Variants in PCNX2 observed in about 807,000 individuals in gnomAD.
The protein encoded by PCNX2 is pecanex-like protein 2.
A neutral mutation model predicts 223.8 loss-of-function variants in PCNX2; 168 were observed. The ratio of observed to expected loss-of-function variants is 0.75; its 90% CI spans 0.66 to 0.85. PCNX2 has a LOEUF of 0.85. PCNX2 is among the 40% of genes least tolerant of loss of function. PCNX2 has a pLI of 0.00. For missense variants in PCNX2, 2,507 were observed against 2,675.5 expected (o/e 0.94, Z 1.39); for synonymous variants, 1,006 against 1,052.6 (o/e 0.96, Z 0.86).
At chr1:233,079,080 T>C (rs1673228771) in intron 23 of PCNX2, among the ~76,000 whole-genome samples, 1 of 152,062 alleles carries the variant, frequency 6.6e-6, no homozygotes, top group Non-Finnish European at 1.5e-5. Context: ...ACCTTGGTGA[T>C]TGGGCAAGGG....
rs867813283 is a variant in PCNX2 at position 233,074,366 on chromosome 1, G to C, written c.4076+15695C>G. Reference sequence around the variant, plus strand: ...TCCCAGCACTTTGGGAGGCCGAGGCGGGCAGATCACGAGGTCAGGAGATCG... The same window carrying C: ...TCCCAGCACTTTGGGAGGCCGAGGCCGGCAGATCACGAGGTCAGGAGATCG... On this transcript the variant is annotated intron_variant, in intron 23 of 33. Coordinates refer to ENST00000258229, the MANE Select transcript of PCNX2 (RefSeq NM_014801.4). Among the ~76,000 whole-genome samples, 305 of 152,052 alleles carry C rather than the reference G, an allele frequency of 2.0e-3. 2 individuals are homozygous for C. Among genetic ancestry groups the C allele is most frequent in the African/African-American group, 6.9e-3 (287 of 41,546 alleles).
intron 28 of PCNX2, among the ~76,000 whole-genome samples, chr1:233,008,844 T>G (rs1162527336): frequency 6.6e-6 from 1 of 152,146 alleles, no homozygotes; most frequent in Non-Finnish European, 1.5e-5. Context: ...GCAGGTGCTG[T>G]CAGCAGCTCT....
chr1:233,193,186 A>T (rs1036546908), intron 15 of PCNX2, among the ~76,000 whole-genome samples: 4 of 150,968 alleles, frequency 2.6e-5, no homozygotes, highest in Non-Finnish European at 4.4e-5. Context: ...TGATTTCTTC[A>T]TTCTTGAAAT....
At chr1:233,269,657 A>G (rs141188016) in intron 1 of PCNX2, among the ~76,000 whole-genome samples, 1 of 152,188 alleles carries the variant, frequency 6.6e-6, no homozygotes, top group Non-Finnish European at 1.5e-5. Flanking sequence ...CTTAAAGGTT[A>G]AGTTTCAAAT....
intron 12 of PCNX2, among the ~76,000 whole-genome samples, chr1:233,212,445 CT>C (rs1411683320): frequency 6.6e-6 from 1 of 152,178 alleles, no homozygotes. Flanking sequence ...AAATAAGATT[CT>C]TTAAGCTTAG....
chr1:233,310,543 T>C, the PCNX2 span, among the ~76,000 whole-genome samples: 3 of 151,996 alleles, frequency 2.0e-5, no homozygotes, highest in African/African-American at 4.8e-5. Flanking sequence ...TCTGGAACAG[T>C]AGTAGGAGAG....
chr1:233,113,446 C>A (rs918692760), intron 21 of PCNX2, among the ~76,000 whole-genome samples: 1 of 152,188 alleles, frequency 6.6e-6, no homozygotes, highest in African/African-American at 2.4e-5. Context: ...CAGCATCTCT[C>A]TAGAATAATA....
the PCNX2 span, among the ~76,000 whole-genome samples, chr1:233,325,009 C>T: frequency 6.6e-6 from 1 of 152,176 alleles, no homozygotes; most frequent in Non-Finnish European, 1.5e-5. Context: ...GCTAGAGATG[C>T]ACGAGGAGAT....
At chr1:233,061,830 C>T (rs1384674459) in intron 23 of PCNX2, among the ~76,000 whole-genome samples, 1 of 152,102 alleles carries the variant, frequency 6.6e-6, no homozygotes, top group Non-Finnish European at 1.5e-5. Context: ...GCGATCTTGG[C>T]TCACTGCAAC....
chr1:233,208,480 C>A, intron 13 of PCNX2, 38 bp downstream of exon 13: 4 of 1,560,462 alleles, frequency 2.6e-6, no homozygotes, highest in South Asian at 2.3e-5. Context: ...ATACCCCCAA[C>A]CCCCATATTC....
intron 23 of PCNX2, among the ~76,000 whole-genome samples, chr1:233,062,454 TAA>T (rs1346839702): frequency 2.6e-5 from 4 of 152,224 alleles, no homozygotes; most frequent in African/African-American, 9.6e-5. Context: ...TTTTTCCATA[TAA>T]GTTTTGCTAC....
Position 232,986,350 on chromosome 1 carries a change from C to T in PCNX2, c.5982G>A (p.Leu1994=), listed in dbSNP as rs1464823392. The T allele has an allele frequency of 1.3e-6, 2 of 1,600,004 alleles. No individual in the cohort carries two copies. The highest frequency in any genetic ancestry group is 1.7e-6 in the Non-Finnish European group (2 of 1,173,652). The change falls in exon 33 of 34, where the codon CTG becomes CTA. Residue 1994 remains leucine, a synonymous_variant. Coordinates refer to ENST00000258229, the MANE Select transcript of PCNX2 (RefSeq NM_014801.4). The stretch of plus-strand genomic sequence containing the variant: ...TGGTGACGGGCGGGGGCTGAGAGTG[C>T]AGGGACGTGGCCGAGGCGTGCAAGG... ...RLSLHASATS[L]HSQPPPVTTT...
chr1:233,014,740 A>G lies in PCNX2; in HGVS notation c.4877T>C (p.Leu1626Ser). ...GCACAGGGCGAAGGACAGAGTCACC[A>G]AGGGAGAGTCCTCGTCACTGTCCAG... Reference protein sequence around the residue: ...TTLDSDEDSPLVTLSFALCTL... With the variant: ...TTLDSDEDSPSVTLSFALCTL... The change falls in exon 28 of 34, where the codon TTG becomes TCG. Residue 1626 changes from leucine (L) to serine (S), a missense_variant. Leu to Ser is a moderately radical substitution (Grantham distance 145). Around this residue, in one of 3 missense-constraint regions of PCNX2, gnomAD observed 1,372 missense variants for 1,509.4 expected, o/e 0.91. Coordinates refer to ENST00000258229, the MANE Select transcript of PCNX2 (RefSeq NM_014801.4). 1 of 1,614,012 alleles carries G rather than the reference A, an allele frequency of 6.2e-7. No individual in the cohort carries two copies. The highest frequency in any genetic ancestry group is 8.5e-7 in the Non-Finnish European group (1 of 1,179,898).
rs771354833 is a variant in PCNX2, at chr1:233,287,916, CA to C, written c.153+7409del. On this transcript the variant is annotated intron_variant, in intron 1 of 33. Coordinates refer to ENST00000258229, the MANE Select transcript of PCNX2 (RefSeq NM_014801.4). ...TGATTTCTTTCTTGCAAAGCTCTTACAAAAAAAAAGTGTCTGCCTCATATGT... is the reference window on the plus strand; with the variant it reads ...TGATTTCTTTCTTGCAAAGCTCTTACAAAAAAAAGTGTCTGCCTCATATGT... Among the ~76,000 whole-genome samples, 44 of 150,856 alleles carry C rather than the reference CA, an allele frequency of 2.9e-4. 1 individual carries two copies. The South Asian group carries it at 8.2e-3, about 28-fold the overall frequency.
At chr1:233,101,661 G>C (rs560664816) in intron 21 of PCNX2, among the ~76,000 whole-genome samples, 26 of 152,170 alleles carry the variant, frequency 1.7e-4, no homozygotes, top group Non-Finnish European at 1.3e-4. Flanking sequence ...TCAAAAAAGG[G>C]GGCACTCCCC....
intron 15 of PCNX2, among the ~76,000 whole-genome samples, chr1:233,197,251 C>T (rs1277485420): frequency 3.9e-5 from 6 of 151,988 alleles, no homozygotes; most frequent in Non-Finnish European, 7.4e-5. Context: ...AACTTTAAAC[C>T]TGACTTTTAA....
At chr1:233,186,433 C>T (rs989127164) in intron 15 of PCNX2, among the ~76,000 whole-genome samples, 1 of 152,080 alleles carries the variant, frequency 6.6e-6, no homozygotes, top group East Asian at 1.9e-4. Context: ...GCTCTCTCTT[C>T]TTACTTCACA....
At position 233,146,334 on chromosome 1, in the gene PCNX2, AATTCTGGATAATTAC is replaced by A. The variant is rs1056681704; in HGVS notation, c.3518-6494_3518-6480del. ...CCTTATCATTTTTAGTGGTTGAGGG[AATTCTGGATAATTAC>A]ATTTAACAGAGGTTCTGGGGGAAAA... is the stretch of plus-strand genomic sequence containing the variant. On this transcript the variant is annotated intron_variant, in intron 19 of 33. Transcript: ENST00000258229. Among the ~76,000 whole-genome samples the A allele has an allele frequency of 2.0e-5, 3 of 152,268 alleles. No homozygotes were observed. The East Asian group carries it at 5.8e-4, about 29-fold the overall frequency.
chr1:233,052,266 G>A (rs965250641), intron 25 of PCNX2, among the ~76,000 whole-genome samples: 2 of 152,168 alleles, frequency 1.3e-5, no homozygotes, highest in Non-Finnish European at 2.9e-5. Context: ...CCAAAGAACC[G>A]AGATAACTGA....
Sources: allele counts gnomAD v4.1 joint callset (sites outside exome capture counted in the v4.1 genomes callset), GRCh38; gene constraint gnomAD v4.1.1; regional missense constraint gnomAD v4.1.1; transcripts MANE v1.5; gene names NCBI Gene and HGNC (gene_info 2026-07-23, HGNC 2026-07-21).